Variants in TCF20 observed in about 807,000 individuals in gnomAD.
The protein encoded by TCF20 is transcription factor 20, also known as SPRE-binding protein.
TCF20 carries 3 observed loss-of-function variants against 148.6 expected under a neutral mutation model. The observed-to-expected ratio is 0.02, with a 90% CI of 0.01 to 0.05. TCF20 has a LOEUF of 0.05. Among genes scored for constraint, TCF20 ranks in the 10% least tolerant of loss-of-function variants. The pLI, the probability that TCF20 is intolerant of heterozygous loss-of-function variation, is 1.00. For missense variants in TCF20, 2,350 were observed against 2,429.3 expected, an observed-to-expected ratio of 0.97 and a Z score of 0.69; for synonymous variants, 1,049 against 909.5, an observed-to-expected ratio of 1.15 and a Z score of -2.76.
intron 1 of TCF20, among the ~76,000 whole-genome samples, chr22:42,264,543 T>C (rs1404991042): frequency 6.6e-6 from 1 of 152,178 alleles, no homozygotes; most frequent in East Asian, 1.9e-4. Flanking sequence ...ATCCTTTGGA[T>C]TAACTTCTCA....
rs756974776 is a variant in TCF20 at position 42,210,551 on chromosome 22, C to G, written c.4755G>C (p.Glu1585Asp). The G allele has an allele frequency of 4.3e-6, 7 of 1,614,108 alleles. No individual in the cohort carries two copies. The highest frequency in any genetic ancestry group is 1.3e-5 in the African/African-American group (1 of 74,934). ...PKPKKQRQRR[E>D]RRKPGAQPRK... The stretch of plus-strand genomic sequence containing the variant: ...TCGGCTGGGCCCCAGGCTTCCTTCT[C>G]TCCCTCCTTTGCCTCTGTTTTTTTG... The change falls in exon 2 of 6, where the codon GAG becomes GAC. Residue 1585 changes from glutamate to aspartate, a missense_variant. Glu to Asp is a conservative substitution (Grantham distance 45, BLOSUM62 2). Coordinates refer to ENST00000677622, the MANE Select transcript of TCF20 (RefSeq NM_001378418.1). The surrounding 1 kb of genome is among the most constrained non-coding windows in gnomAD (Gnocchi z 4.7).
chr22:42,212,588 C>T lies in TCF20; in HGVS notation c.2718G>A (p.Gln906=), dbSNP rs997028588. 6.2e-7 allele frequency: 1 copy of T among 1,614,098 alleles called. No individual in the cohort carries two copies. Residue 906 remains glutamine (Q), a synonymous_variant, in exon 2 of 6, where the codon CAG becomes CAA. Coordinates refer to ENST00000677622, the MANE Select transcript of TCF20 (RefSeq NM_001378418.1). ...RNDRLNPTLS[Q]SVILPGGLVS... Reference sequence around the variant, plus strand: ...CCAAACCACCAGGAAGAATGACCGACTGACTTAAAGTTGGATTGAGACGGT... The same window carrying T: ...CCAAACCACCAGGAAGAATGACCGATTGACTTAAAGTTGGATTGAGACGGT...
intron 1 of TCF20, among the ~76,000 whole-genome samples, chr22:42,331,007 T>C (rs573144683): frequency 2.6e-3 from 397 of 152,212 alleles, no homozygotes; most frequent in African/African-American, 9.3e-3. Flanking sequence ...CCCCTGGTCA[T>C]CCATCGAGCA....
intron 1 of TCF20, among the ~76,000 whole-genome samples, chr22:42,330,392 C>T (rs1055802847): frequency 6.6e-6 from 1 of 152,188 alleles, no homozygotes; most frequent in African/African-American, 2.4e-5. Flanking sequence ...CCTTCCCCCC[C>T]ACCTCAGGGC....
At chr22:42,327,277 G>A (rs746397575) in intron 1 of TCF20, among the ~76,000 whole-genome samples, 1 of 152,212 alleles carries the variant, frequency 6.6e-6, no homozygotes, top group Non-Finnish European at 1.5e-5. Context: ...GACATCCCCA[G>A]GTGGGGAGAG....
In TCF20 at chr22:42,290,984, CTG is replaced by C. The variant is rs1927122448; in HGVS notation, c.-37+52493_-37+52494del. Among the ~76,000 whole-genome samples the C allele has an allele frequency of 6.6e-6, 1 of 152,190 alleles. No individual in the cohort carries two copies. Among genetic ancestry groups the C allele is most frequent in the Non-Finnish European group, 1.5e-5 (1 of 68,024 alleles). On this transcript the variant is annotated intron_variant, in intron 1 of 1. Transcript: ENST00000515426. This position sits in a 1 kb window ranked among gnomAD's most constrained non-coding sequence, Gnocchi z 4.2. The stretch of plus-strand genomic sequence containing the variant: ...AAATGCCCATTTACAAATAAGGAAA[CTG>C]AGGCATGGAGAGGTGAAGTAAGGGG...
In TCF20 at chr22:42,160,480, A is replaced by T. The variant is rs946625607; in HGVS notation, c.*923T>A. On this transcript the variant is annotated 3_prime_UTR_variant, in exon 6 of 6. Coordinates refer to ENST00000677622, the MANE Select transcript of TCF20 (RefSeq NM_001378418.1). ...TGTGGGTCAGGGCACAGCTGCCTGG[A>T]ATGTGCTGAGGACAGGGGGCCCCAG... is the stretch of plus-strand genomic sequence containing the variant. 5.2e-5 allele frequency: 8 copies of T among 152,518 alleles called. No individual in the cohort carries two copies. The highest frequency in any genetic ancestry group is 8.8e-5 in the Non-Finnish European group (6 of 68,062). 9.4% of individuals were successfully genotyped at this position (152,518 alleles called of 1,614,324 possible).
chr22:42,275,608 C>T (rs890243916), upstream of TCF20, among the ~76,000 whole-genome samples: 6 of 152,172 alleles, frequency 3.9e-5, no homozygotes, highest in African/African-American at 1.2e-4. Context: ...GGAGTCGGCG[C>T]CCTTACCTGA....
chr22:42,170,395 C>A (rs1287761279), intron 3 of TCF20, among the ~76,000 whole-genome samples: 1 of 150,804 alleles, frequency 6.6e-6, no homozygotes, highest in Non-Finnish European at 1.5e-5. Flanking sequence ...ATAGTCCCAG[C>A]TACTTGGGAG....
At chr22:42,323,560 A>G (rs1320768545) in intron 1 of TCF20, among the ~76,000 whole-genome samples, 1 of 151,768 alleles carries the variant, frequency 6.6e-6, no homozygotes, top group Non-Finnish European at 1.5e-5. Flanking sequence ...GCAGGGCTCC[A>G]AAGTGAGAGC....
intron 1 of TCF20, among the ~76,000 whole-genome samples, chr22:42,251,080 C>T (rs935422605): frequency 2.0e-5 from 3 of 152,184 alleles, no homozygotes; most frequent in African/African-American, 7.2e-5. Context: ...TTGGGGATTA[C>T]AATTCAACAT....
chr22:42,205,314 G>GAAA, intron 2 of TCF20, among the ~76,000 whole-genome samples: 1 of 151,318 alleles, frequency 6.6e-6, no homozygotes, highest in African/African-American at 2.5e-5. Flanking sequence ...AAAAGGAAGG[G>GAAA]AAGTAAACAC....
intron 1 of TCF20, among the ~76,000 whole-genome samples, chr22:42,266,575 C>T (rs569718730): frequency 8.6e-5 from 13 of 151,730 alleles, no homozygotes; most frequent in African/African-American, 1.2e-4. Context: ...ATCAGGAGTT[C>T]GAGACTGGCC....
chr22:42,176,660 T>C (rs910787020), intron 3 of TCF20, among the ~76,000 whole-genome samples: 3 of 152,210 alleles, frequency 2.0e-5, no homozygotes, highest in Non-Finnish European at 4.4e-5. Flanking sequence ...ACAGGCATTA[T>C]GGGGGCTGCC....
intron 1 of TCF20, among the ~76,000 whole-genome samples, chr22:42,307,406 C>A (rs1302160557): frequency 6.6e-6 from 1 of 152,206 alleles, no homozygotes; most frequent in African/African-American, 2.4e-5. Context: ...ATTCCCCCTG[C>A]CCCGCCTACT....
intron 1 of TCF20, among the ~76,000 whole-genome samples, chr22:42,257,262 T>C (rs563661449): frequency 1.3e-5 from 2 of 152,364 alleles, no homozygotes; most frequent in Non-Finnish European, 2.9e-5. Context: ...CATCTGACCC[T>C]GTCTGCTATG....
intron 1 of TCF20, among the ~76,000 whole-genome samples, chr22:42,282,909 C>T (rs574166901): frequency 3.1e-3 from 475 of 152,388 alleles, no homozygotes; most frequent in African/African-American, 0.011. Context: ...AGCCCCACGC[C>T]GCCCAGCACG....
intron 1 of TCF20, among the ~76,000 whole-genome samples, chr22:42,330,351 G>A (rs8142108): frequency 6.6e-6 from 1 of 151,952 alleles, no homozygotes; most frequent in African/African-American, 2.4e-5. Context: ...CAGTGTCCCC[G>A]GGTGCCCAAC....
intron 5 of TCF20, among the ~76,000 whole-genome samples, chr22:42,166,203 C>T (rs925469326): frequency 2.6e-5 from 4 of 152,212 alleles, no homozygotes; most frequent in African/African-American, 9.6e-5. Context: ...TCCTCTCCCT[C>T]CAAGAGCTGA....
Sources: allele counts gnomAD v4.1 joint callset (sites outside exome capture counted in the v4.1 genomes callset), GRCh38; gene constraint gnomAD v4.1.1; non-coding constraint Gnocchi (gnomAD v3.1); transcripts MANE v1.5; gene names NCBI Gene and HGNC (gene_info 2026-07-23, HGNC 2026-07-21).